The following CFAP47 variants were observed in gnomAD, a reference collection of about 807,000 sequenced individuals.
The protein encoded by CFAP47 is cilia and flagella associated protein 47.
Under a neutral mutation model 148.1 loss-of-function variants are expected in CFAP47, and 29 were observed. The ratio of observed to expected loss-of-function variants is 0.20; its 90% confidence interval spans 0.15 to 0.27. CFAP47 has a LOEUF of 0.27. Ranked by LOEUF, CFAP47 falls within the 10% of genes least tolerant of loss-of-function variation. The pLI is 1.00. For missense variants in CFAP47, 1,872 were observed against 1,697.5 expected, an observed-to-expected ratio of 1.10 and a Z score of -1.81; for synonymous variants, 664 against 577.3, an observed-to-expected ratio of 1.15 and a Z score of -2.15.
chrX:36,262,365 C>A (rs1165275908), intron 49 of CFAP47, among the ~76,000 whole-genome samples: 1 of 111,532 alleles, frequency 9.0e-6, no homozygotes, highest in African/African-American at 3.3e-5. Flanking sequence ...CTCCCACCAA[C>A]CCCCCACTAC....
At chrX:35,990,318 A>G (rs1036834950) in intron 16 of CFAP47, among the ~76,000 whole-genome samples, 37 of 111,521 alleles carry the variant, frequency 3.3e-4, no homozygotes, top group African/African-American at 1.0e-3. Context: ...GTCTGATATA[A>G]AGAACACATA....
chrX:36,235,923 T>A lies in CFAP47; in HGVS notation c.7015-11T>A, dbSNP rs1940458184. The stretch of plus-strand genomic sequence containing the variant: ...TCTCTCTGATATTTCTGTACCTTTT[T>A]CATGCTTTAGAAAAATCAAACAAAC... On this transcript the variant is annotated splice_polypyrimidine_tract_variant and intron_variant, in intron 46 of 63. Transcript: ENST00000378653. The A allele has an allele frequency of 2.1e-6, 1 of 470,815 alleles. No individual in the cohort carries two copies. Among genetic ancestry groups the A allele is most frequent in the Non-Finnish European group, 3.8e-6 (1 of 263,456 alleles). 38.8% of individuals were successfully genotyped at this position (470,815 alleles called of 1,213,427 possible). A position where few individuals can be genotyped will look rare whatever the true frequency, so the allele number is the denominator to read the frequency against.
intron 30 of CFAP47, among the ~76,000 whole-genome samples, chrX:36,094,683 G>T (rs1031933803): frequency 1.8e-5 from 2 of 111,151 alleles, no homozygotes; most frequent in African/African-American, 6.5e-5. Flanking sequence ...TTTTTTCACT[G>T]TTGGCATATA....
intron 63 of CFAP47, among the ~76,000 whole-genome samples, chrX:36,381,108 G>T (rs1850773808): frequency 9.0e-6 from 1 of 111,725 alleles, no homozygotes; most frequent in South Asian, 3.7e-4. Context: ...TTTTATTATT[G>T]AAAATTCCAA....
At chrX:36,320,955 GGA>G (rs200461841) in intron 57 of CFAP47, among the ~76,000 whole-genome samples, 3,066 of 111,790 alleles carry the variant, frequency 0.027, 85 homozygotes, top group African/African-American at 0.093. Flanking sequence ...CAACTGCTAT[GGA>G]GATCAGTTTG....
chrX:36,249,846 C>T (rs1162391373), intron 48 of CFAP47, among the ~76,000 whole-genome samples: 1 of 110,765 alleles, frequency 9.0e-6, no homozygotes, highest in East Asian at 2.8e-4. Context: ...TACCAGAGTC[C>T]ATGGCGATAT....
chrX:36,005,783 A>G (rs1421917437), intron 21 of CFAP47, among the ~76,000 whole-genome samples: 1 of 111,060 alleles, frequency 9.0e-6, no homozygotes, highest in East Asian at 2.8e-4. Context: ...ATTTTTAAAA[A>G]CCCTCTAAAT....
At chrX:36,217,897 TA>T (rs1298735228) in intron 45 of CFAP47, among the ~76,000 whole-genome samples, 3 of 110,477 alleles carry the variant, frequency 2.7e-5, no homozygotes, top group African/African-American at 9.8e-5. Flanking sequence ...AGCTGGTAAG[TA>T]AAAAAAAAGT....
intron 25 of CFAP47, among the ~76,000 whole-genome samples, chrX:36,046,225 A>G (rs1937464181): frequency 9.0e-6 from 1 of 110,534 alleles, no homozygotes; most frequent in South Asian, 3.8e-4. Context: ...TTAAATATTT[A>G]TTGGTCACTA....
chrX:36,037,991 C>G (rs1192259045), intron 24 of CFAP47, among the ~76,000 whole-genome samples: 1 of 110,591 alleles, frequency 9.0e-6, no homozygotes, highest in Non-Finnish European at 1.9e-5. Flanking sequence ...TCTATTCCTC[C>G]TCTCCTTTCT....
In CFAP47 at chrX:36,234,806, T is replaced by G. The variant is rs1037244747; in HGVS notation, c.7015-1128T>G. Among the ~76,000 whole-genome samples, 23 of 111,805 alleles carry G rather than the reference T, an allele frequency of 2.1e-4. 1 individual carries two copies. The highest frequency in any genetic ancestry group is 7.5e-4 in the African/African-American group (23 of 30,723). Reference sequence around the variant, plus strand: ...AGATGGGTTTTTGGTGTGGATGTCCTTTCTGTTTGTTAGTTTTCCTTCTAA... The same window carrying G: ...AGATGGGTTTTTGGTGTGGATGTCCGTTCTGTTTGTTAGTTTTCCTTCTAA... On this transcript the variant is annotated intron_variant, in intron 46 of 63. Coordinates refer to ENST00000378653, the MANE Select transcript of CFAP47 (RefSeq NM_001304548.2).
chrX:36,364,836 C>A (rs945080734), intron 61 of CFAP47, among the ~76,000 whole-genome samples: 12 of 99,186 alleles, frequency 1.2e-4, no homozygotes, highest in African/African-American at 4.4e-4. Flanking sequence ...AACGTGTGTA[C>A]ATGATTCATC....
intron 45 of CFAP47, among the ~76,000 whole-genome samples, chrX:36,212,599 TAA>T (rs1940114697): frequency 8.9e-6 from 1 of 111,796 alleles, no homozygotes; most frequent in African/African-American, 3.2e-5. Context: ...TCTCAGAGTA[TAA>T]GTTTTACACT....
At chrX:36,263,991 G>A (rs1268322817) in intron 49 of CFAP47, among the ~76,000 whole-genome samples, 1 of 111,538 alleles carries the variant, frequency 9.0e-6, no homozygotes, top group Non-Finnish European at 1.9e-5. Flanking sequence ...AATGCTGCCA[G>A]GACTGTGTCC....
chrX:36,175,079 C>T lies in CFAP47; in HGVS notation c.6027-4266C>T, dbSNP rs775872606. Among the ~76,000 whole-genome samples the T allele has an allele frequency of 5.0e-3, 563 of 111,848 alleles. 9 individuals are homozygous for T. The highest frequency in any genetic ancestry group is 0.017 in the African/African-American group (534 of 30,574). ...TCTTCCATCACTGATACCCTTTCTTCCAGTTGATCGCATCGGCTCCTGAGG... is the reference window on the plus strand; with the variant it reads ...TCTTCCATCACTGATACCCTTTCTTTCAGTTGATCGCATCGGCTCCTGAGG... On this transcript the variant is annotated intron_variant, in intron 39 of 63. Coordinates refer to ENST00000378653, the MANE Select transcript of CFAP47 (RefSeq NM_001304548.2).
chrX:36,016,613 C>T (rs1937098307), intron 22 of CFAP47, among the ~76,000 whole-genome samples: 1 of 108,970 alleles, frequency 9.2e-6, no homozygotes, highest in Admixed American at 9.9e-5. Flanking sequence ...CTGCAACAAA[C>T]ATGTGAGTGC....
At chrX:36,288,438 C>G (rs944944474) in intron 51 of CFAP47, among the ~76,000 whole-genome samples, 2 of 111,914 alleles carry the variant, frequency 1.8e-5, no homozygotes, top group Non-Finnish European at 3.8e-5. Context: ...CTCAATAACT[C>G]TAATATATAG....
chrX:36,319,260 T>A lies in CFAP47; in HGVS notation c.8396T>A (p.Ile2799Asn). 8.9e-7 allele frequency: 1 copy of A among 1,128,186 alleles called. No individual in the cohort carries two copies. Among genetic ancestry groups the A allele is most frequent in the Non-Finnish European group, 1.2e-6 (1 of 846,071 alleles). 93.0% of individuals were successfully genotyped at this position (1,128,186 alleles called of 1,213,427 possible). ...LVMDHCWDSF[I>N]YESSAFRFSS... ...ATGGATCATTGCTGGGATAGCTTCATCTATGAGAGTTCTGCCTTCAGATTT... is the reference window on the plus strand; with the variant it reads ...ATGGATCATTGCTGGGATAGCTTCAACTATGAGAGTTCTGCCTTCAGATTT... Residue 2799 changes from isoleucine (I) to asparagine (N), a missense_variant, in exon 57 of 64, where the codon ATC becomes AAC. Transcript: ENST00000378653.
At chrX:36,185,071 C>G (rs782168024) in intron 40 of CFAP47, among the ~76,000 whole-genome samples, 31 of 111,138 alleles carry the variant, frequency 2.8e-4, no homozygotes, top group African/African-American at 1.0e-3. Context: ...AAAATACTAT[C>G]GATTGAGGGG....
Sources: gnomAD v4.1 joint callset for allele counts (sites outside exome capture counted in the v4.1 genomes callset) on GRCh38, gnomAD v4.1.1 for gene constraint, MANE v1.5 for transcripts, NCBI Gene and HGNC (gene_info 2026-07-23, HGNC 2026-07-21) for gene names.